The following UNC80 variants were observed in gnomAD, a reference collection of about 807,000 sequenced individuals.
The protein encoded by UNC80 is unc-80 subunit of NALCN channel complex.
A neutral mutation model predicts 384.6 loss-of-function variants in UNC80; 164 were observed. The observed-to-expected ratio is 0.43, with a 90% CI of 0.38 to 0.49. UNC80 has a LOEUF of 0.49. UNC80 is among the 20% of genes least tolerant of loss of function. UNC80 has a pLI of 0.00. For missense variants in UNC80, 3,330 were observed against 4,143.0 expected (o/e 0.80, Z 5.39); for synonymous variants, 1,486 against 1,527.8 (o/e 0.97, Z 0.64).
chr2:209,841,827 C>T (rs536293088), intron 20 of UNC80, among the ~76,000 whole-genome samples: 34 of 152,082 alleles, frequency 2.2e-4, no homozygotes, highest in South Asian at 1.0e-3. Context: ...CCTTGCTGTG[C>T]GAAAAATTTT....
chr2:209,945,015 G>A (rs1401964878), intron 45 of UNC80, 36 bp from the exon 46 acceptor site: 13 of 1,547,888 alleles, frequency 8.4e-6, no homozygotes, highest in East Asian at 7.3e-5. Flanking sequence ...TTACTGTGGT[G>A]GGAGTCAATA....
At position 209,916,030 on chromosome 2, in the gene UNC80, T is replaced by G. The variant is rs6707778; in HGVS notation, c.5030-1747T>G. Among the ~76,000 whole-genome samples the G allele has an allele frequency of 5.3e-3, 806 of 152,268 alleles. 10 individuals carry two copies. The highest frequency in any genetic ancestry group is 0.018 in the African/African-American group (755 of 41,512). On this transcript the variant is annotated intron_variant, in intron 31 of 64. Transcript: ENST00000673920. ...AAGTGCATATTTTTAAAATAAATTT[T>G]TAATTTTTTTCAAAAAGAAATAGTA...
chr2:209,834,028 G>C lies in UNC80; in HGVS notation c.2802G>C (p.Leu934=). 1 of 1,551,654 alleles carries C rather than the reference G, an allele frequency of 6.4e-7. No homozygotes were observed. Among genetic ancestry groups the C allele is most frequent in the Non-Finnish European group, 8.7e-7 (1 of 1,146,944 alleles). ...NLGLYCDIRQ[L]VQFIKEAHGN... is the part of the protein sequence containing the mutation. ...GACTGTATTGTGACATTCGTCAGCT[G>C]GTCCAGTTTATCAAAGAGGCTCATG... The change falls in exon 17 of 65, where the codon CTG becomes CTC. Residue 934 remains leucine (L), a synonymous_variant. Coordinates refer to ENST00000673920, the MANE Select transcript of UNC80 (RefSeq NM_001371986.1).
At chr2:209,889,666 C>T (rs1053070894) in intron 26 of UNC80, among the ~76,000 whole-genome samples, 77 of 152,104 alleles carry the variant, frequency 5.1e-4, no homozygotes, top group Non-Finnish European at 3.4e-4. Flanking sequence ...GGACAGGCCC[C>T]GGTGAGTGAT....
rs145026780 is a variant in UNC80 at position 209,912,886 on chromosome 2, G to A, written c.4890+219G>A. ...TCCACAGACAAGGCTTGGGAACTTC[G>A]GTTCGAACCACAGCTCTCCCCACTG... On this transcript the variant is annotated intron_variant, in intron 30 of 64. Transcript: ENST00000673920. 6.8e-4 allele frequency among the ~76,000 whole-genome samples: 103 copies of A among 152,124 alleles called. No individual in the cohort carries two copies. In the East Asian group the frequency reaches 0.017, roughly 25 times the overall value.
At chr2:209,855,289 G>A (rs779746110) in intron 22 of UNC80, among the ~76,000 whole-genome samples, 1 of 151,990 alleles carries the variant, frequency 6.6e-6, no homozygotes, top group Non-Finnish European at 1.5e-5. Flanking sequence ...ACACACACTG[G>A]GGCCTGTCAG....
rs1405956354 is a variant in UNC80 at position 209,922,779 on chromosome 2, AGT to A, written c.5662+403_5662+404del. Among the ~76,000 whole-genome samples the A allele has an allele frequency of 7.2e-5, 11 of 152,058 alleles. No homozygotes were observed. The South Asian group carries it at 2.3e-3, about 31-fold the overall frequency. ...TTTTAAAACCTCCTCAGCTGATTTCAGTGTGTGTCACTAGTTTTTGTTTTTGT... is the reference window on the plus strand; with the variant it reads ...TTTTAAAACCTCCTCAGCTGATTTCAGTGTGTCACTAGTTTTTGTTTTTGT... On this transcript the variant is annotated intron_variant, in intron 35 of 64. Coordinates refer to ENST00000673920, the MANE Select transcript of UNC80 (RefSeq NM_001371986.1).
chr2:209,949,565 C>T (rs2092063582), intron 47 of UNC80, among the ~76,000 whole-genome samples: 1 of 151,842 alleles, frequency 6.6e-6, no homozygotes, highest in African/African-American at 2.4e-5. Flanking sequence ...GCAACCTCTG[C>T]CTCCTGGGTT....
At chr2:209,809,596 C>A in intron 7 of UNC80, 1 of 743,136 alleles carries the variant, frequency 1.3e-6, no homozygotes, top group Non-Finnish European at 2.3e-6. Context: ...GAGGCTCCCT[C>A]TTCCTCTCCC....
At position 209,959,577 on chromosome 2, in the gene UNC80, C is replaced by G; in HGVS notation, c.7675C>G (p.Arg2559Gly). 1 of 1,551,658 alleles carries G rather than the reference C, an allele frequency of 6.4e-7. No individual in the cohort carries two copies. Among genetic ancestry groups the G allele is most frequent in the Non-Finnish European group, 8.7e-7 (1 of 1,146,982 alleles). Residue 2559 changes from arginine to glycine, a missense_variant, in exon 51 of 65, where the codon CGG becomes GGG. Physicochemically the swap from Arg to Gly is moderately radical, Grantham distance 125. Around this residue, in one of 8 missense-constraint regions of UNC80, gnomAD observed 1,049 missense variants for 1,488.6 expected, o/e 0.70. Transcript: ENST00000673920. ...RIAREEFRRP[R>G]ESLLNICTEF... ...TGCTCGGGAAGAGTTCAGAAGACCC[C>G]GGGAGTCCTTACTGAATATTTGCAC...
At chr2:209,805,418 C>T (rs560898309) in intron 7 of UNC80, among the ~76,000 whole-genome samples, 12 of 152,304 alleles carry the variant, frequency 7.9e-5, no homozygotes, top group South Asian at 2.1e-4. Context: ...AAACAAAGGA[C>T]GTTTATTTTT....
chr2:209,840,500 A>G, intron 19 of UNC80, 42 bp from the exon 20 acceptor site: 2 of 1,488,664 alleles, frequency 1.3e-6, no homozygotes, highest in Non-Finnish European at 1.8e-6. Flanking sequence ...TTGATTGGAT[A>G]GAAAATGCTA....
At chr2:209,890,054 CTAT>C (rs944738925) in intron 26 of UNC80, among the ~76,000 whole-genome samples, 3 of 151,800 alleles carry the variant, frequency 2.0e-5, no homozygotes, top group Non-Finnish European at 4.4e-5. Context: ...AAGTAGTTTA[CTAT>C]TATTATTATT....
At chr2:209,826,796 C>A (rs957134801) in intron 14 of UNC80, among the ~76,000 whole-genome samples, 2 of 151,844 alleles carry the variant, frequency 1.3e-5, no homozygotes, top group Non-Finnish European at 2.9e-5. Flanking sequence ...TGAAATCATA[C>A]GAAAATATTC....
rs2124960282 is a variant in UNC80, at chr2:209,926,900, C to G, written c.5720C>G (p.Ala1907Gly). Residue 1907 changes from alanine to glycine, a missense_variant, in exon 36 of 65, where the codon GCA (alanine) becomes GGA (glycine). This residue lies in a region of UNC80 where 1,049 missense variants were observed against 1,488.6 expected (regional missense o/e 0.70). Transcript: ENST00000673920. ...CACCATGTGCCTCAGCCCCCACAAG[C>G]AGTGTTCCCAGCATGCATCTGTGCA... ...PNHHVPQPPQ[A>G]VFPACICAAV... The G allele has an allele frequency of 6.4e-7, 1 of 1,552,244 alleles. No homozygotes were observed. Among genetic ancestry groups the G allele is most frequent in the Admixed American group, 2.0e-5 (1 of 51,008 alleles).
chr2:209,892,305 A>T (rs1191747171), intron 26 of UNC80, among the ~76,000 whole-genome samples: 1 of 152,158 alleles, frequency 6.6e-6, no homozygotes, highest in Non-Finnish European at 1.5e-5. Flanking sequence ...AAAAGGCCAA[A>T]GATGTTTTAT....
Position 209,775,981 on chromosome 2 carries a change from G to T in UNC80, c.234G>T (p.Val78=). 1 of 1,614,166 alleles carries T rather than the reference G, an allele frequency of 6.2e-7. No homozygotes were observed. Among genetic ancestry groups the T allele is most frequent in the South Asian group, 1.1e-5 (1 of 91,086 alleles). The change falls in exon 3 of 65, where the codon GTG becomes GTT. Residue 78 remains valine, a synonymous_variant. Transcript: ENST00000673920. ...AGAGCATTTCCAGATGGGAACTGGT[G>T]CAAGCTGCTTTGCCTCATGTCCTCC... ...AIQSISRWEL[V]QAALPHVLHC...
At chr2:209,950,048 T>G (rs1015128049) in intron 47 of UNC80, among the ~76,000 whole-genome samples, 2 of 151,282 alleles carry the variant, frequency 1.3e-5, no homozygotes, top group African/African-American at 2.4e-5. Context: ...CCCAGGCTGG[T>G]CTCAAACTCC....
At chr2:209,777,673 C>A (rs1164871291) in intron 4 of UNC80, 114 bp downstream of exon 4, 1 of 1,156,632 alleles carries the variant, frequency 8.6e-7, no homozygotes, top group Non-Finnish European at 1.2e-6. Context: ...TACAGCAAGT[C>A]AAGGCATGGA....
Sources: gnomAD v4.1 joint callset for allele counts (sites outside exome capture counted in the v4.1 genomes callset) on GRCh38, gnomAD v4.1.1 for gene constraint, gnomAD v4.1.1 regional missense constraint, MANE v1.5 for transcripts, NCBI Gene and HGNC (gene_info 2026-07-23, HGNC 2026-07-21) for gene names.